SOBP: variants seen among roughly 807,000 people sequenced by gnomAD.
SOBP encodes the protein sine oculis binding protein homolog, also known as sine oculis-binding protein homolog.
SOBP carries 4 observed loss-of-function variants against 53.6 expected under a neutral mutation model. That is an observed-to-expected ratio of 0.07 (90% CI 0.04 to 0.17). SOBP has a LOEUF of 0.17. SOBP is among the 10% of genes least tolerant of loss of function. SOBP has a pLI of 1.00. For missense variants in SOBP, 1,088 were observed against 1,204.7 expected (o/e 0.90, Z 1.43); for synonymous variants, 584 against 522.6 (o/e 1.12, Z -1.60).
intron 5 of SOBP, among the ~76,000 whole-genome samples, chr6:107,600,370 C>CT: frequency 6.6e-6 from 1 of 152,206 alleles, no homozygotes. Flanking sequence ...TGTAGTGGCC[C>CT]TGCAGCCTTG....
intron 4 of SOBP, among the ~76,000 whole-genome samples, chr6:107,573,572 C>T (rs1290600456): frequency 6.6e-6 from 1 of 152,110 alleles, no homozygotes; most frequent in Non-Finnish European, 1.5e-5. Context: ...AGTGGTGGCA[C>T]CAGGAATCAA....
At chr6:107,512,265 C>T (rs575322305) in intron 3 of SOBP, among the ~76,000 whole-genome samples, 32 of 152,254 alleles carry the variant, frequency 2.1e-4, no homozygotes, top group African/African-American at 6.5e-4. Flanking sequence ...GTTAATTAAA[C>T]GGTAACTTTG....
intron 4 of SOBP, among the ~76,000 whole-genome samples, chr6:107,565,521 C>T (rs1371235039): frequency 2.9e-5 from 4 of 140,230 alleles, no homozygotes; most frequent in African/African-American, 5.4e-5. Flanking sequence ...CGGGGGTGGG[C>T]GGAGAGAGAA....
At chr6:107,549,805 G>T (rs1784413230) in intron 4 of SOBP, among the ~76,000 whole-genome samples, 3 of 152,170 alleles carry the variant, frequency 2.0e-5, no homozygotes, top group South Asian at 2.1e-4. Context: ...TTCTCCCTAT[G>T]TGTGTAGGGA....
chr6:107,520,551 CTT>C (rs1783453213), intron 3 of SOBP, among the ~76,000 whole-genome samples: 1 of 152,128 alleles, frequency 6.6e-6, no homozygotes, highest in African/African-American at 2.4e-5. Flanking sequence ...TTTCTAAACT[CTT>C]TTTGGAGTTA....
intron 1 of SOBP, among the ~76,000 whole-genome samples, chr6:107,491,439 C>T (rs990389060): frequency 3.9e-5 from 6 of 152,258 alleles, no homozygotes; most frequent in African/African-American, 1.4e-4. Flanking sequence ...AAGGCCGGCC[C>T]GGAGTCCTCT....
chr6:107,585,442 C>G (rs905711007), intron 4 of SOBP, among the ~76,000 whole-genome samples: 1 of 152,200 alleles, frequency 6.6e-6, no homozygotes, highest in African/African-American at 2.4e-5. Flanking sequence ...TAATTTAAAC[C>G]ATGGCGTAGC....
At chr6:107,595,696 C>G (rs943165892) in intron 5 of SOBP, among the ~76,000 whole-genome samples, 3 of 152,018 alleles carry the variant, frequency 2.0e-5, no homozygotes, top group African/African-American at 7.3e-5. Context: ...CAGTCATGTG[C>G]TTAGTTTATG....
Position 107,635,343 on chromosome 6 carries a change from A to G in SOBP, c.2499A>G (p.Lys833=). The G allele has an allele frequency of 6.2e-7, 1 of 1,613,242 alleles. No individual in the cohort carries two copies. The highest frequency in any genetic ancestry group is 8.5e-7 in the Non-Finnish European group (1 of 1,179,980). The part of the protein sequence containing the change: ...KTGCVIQPVP[K]PAEKAAMAPC... ...GCTGCGTGATCCAGCCTGTGCCAAAACCCGCGGAGAAGGCTGCCATGGCAC... is the reference window on the plus strand; with the variant it reads ...GCTGCGTGATCCAGCCTGTGCCAAAGCCCGCGGAGAAGGCTGCCATGGCAC... Residue 833 remains lysine (K), a synonymous_variant, in exon 6 of 7, where the codon AAA becomes AAG. Transcript: ENST00000317357. The surrounding 1 kb of genome is among the most constrained non-coding windows in gnomAD (Gnocchi z 4.5).
intron 5 of SOBP, among the ~76,000 whole-genome samples, chr6:107,608,273 T>A (rs181481362): frequency 1.6e-3 from 243 of 152,264 alleles, no homozygotes; most frequent in African/African-American, 5.7e-3. Flanking sequence ...TTGTTTCCCC[T>A]CACCTCTGAG....
chr6:107,542,035 T>G (rs1784162390), intron 4 of SOBP, among the ~76,000 whole-genome samples: 1 of 152,146 alleles, frequency 6.6e-6, no homozygotes, highest in Non-Finnish European at 1.5e-5. Flanking sequence ...GGTAGACTTT[T>G]GAACAAGAGA....
chr6:107,596,463 G>A (rs548919277), intron 5 of SOBP, among the ~76,000 whole-genome samples: 3 of 152,302 alleles, frequency 2.0e-5, no homozygotes, highest in East Asian at 3.9e-4. Flanking sequence ...TATTTCTGCC[G>A]CCAGTGAGGC....
At chr6:107,651,647 A>G (rs1323740971) in intron 6 of SOBP, among the ~76,000 whole-genome samples, 2 of 152,258 alleles carry the variant, frequency 1.3e-5, no homozygotes, top group Admixed American at 6.5e-5. Flanking sequence ...TAGATTTTCA[A>G]TATAGATAAA....
At chr6:107,538,373 A>G (rs1441033027) in intron 4 of SOBP, among the ~76,000 whole-genome samples, 4 of 152,210 alleles carry the variant, frequency 2.6e-5, no homozygotes, top group Non-Finnish European at 5.9e-5. Flanking sequence ...GCTATCATTC[A>G]TGAAGGCTTG....
chr6:107,498,587 G>GA (rs200968118), intron 1 of SOBP, among the ~76,000 whole-genome samples: 71 of 148,944 alleles, frequency 4.8e-4, no homozygotes, highest in Non-Finnish European at 6.9e-4. Flanking sequence ...TCCTCAGAAA[G>GA]AAAAAAAAAA....
rs137936620 is a variant in SOBP at position 107,579,735 on chromosome 6, C to T, written c.574-7345C>T. Among the ~76,000 whole-genome samples, 507 of 152,290 alleles carry T rather than the reference C, an allele frequency of 3.3e-3. 2 individuals are homozygous for T. The highest frequency in any genetic ancestry group is 0.012 in the African/African-American group (487 of 41,552). On this transcript the variant is annotated intron_variant, in intron 4 of 6. Coordinates refer to ENST00000317357, the MANE Select transcript of SOBP (RefSeq NM_018013.4). ...GGAGGCCATAAACATGATTCGATTCCCATTATCTTCATGTTGCATATTTGT... is the reference window on the plus strand; with the variant it reads ...GGAGGCCATAAACATGATTCGATTCTCATTATCTTCATGTTGCATATTTGT...
At chr6:107,632,098 TATC>T (rs894924809) in intron 5 of SOBP, among the ~76,000 whole-genome samples, 3 of 152,220 alleles carry the variant, frequency 2.0e-5, no homozygotes, top group Non-Finnish European at 2.9e-5. Context: ...TATTAAAATT[TATC>T]ATCTTTTAAT....
At chr6:107,619,151 T>C (rs529678385) in intron 5 of SOBP, among the ~76,000 whole-genome samples, 3 of 152,236 alleles carry the variant, frequency 2.0e-5, no homozygotes, top group South Asian at 2.1e-4. Flanking sequence ...ACCCTTATCA[T>C]GTGCAGGATG....
intron 3 of SOBP, among the ~76,000 whole-genome samples, chr6:107,515,352 G>A (rs780104555): frequency 2.0e-5 from 3 of 152,154 alleles, no homozygotes; most frequent in South Asian, 2.1e-4. Flanking sequence ...AAATAAATAC[G>A]TAGACTTATT....
Sources: gnomAD v4.1 joint callset for allele counts (sites outside exome capture counted in the v4.1 genomes callset) on GRCh38, gnomAD v4.1.1 for gene constraint, Gnocchi (gnomAD v3.1) non-coding constraint, MANE v1.5 for transcripts, NCBI Gene and HGNC (gene_info 2026-07-23, HGNC 2026-07-21) for gene names.